CPNE8: variants seen among roughly 807,000 people sequenced by gnomAD.
CPNE8 encodes the protein copine 8, also known as copine-8.
In CPNE8, 45 loss-of-function variants were observed where a neutral mutation model predicts 81.5. That is an observed-to-expected ratio of 0.55 (90% CI 0.44 to 0.71). The LOEUF (loss-of-function observed/expected upper bound fraction) is 0.71. Among genes scored for constraint, CPNE8 ranks in the 30% least tolerant of loss-of-function variants. The probability of loss-of-function intolerance (pLI) is 0.00; values close to 1 mark genes in which losing one functional copy is unlikely to be tolerated. For synonymous variants in CPNE8, 252 were observed against 226.3 expected, an observed-to-expected ratio of 1.11 and a Z score of -1.02; for missense variants, 594 against 672.1, an observed-to-expected ratio of 0.88 and a Z score of 1.28.
chr12:38,757,309 T>C (rs990698933), intron 10 of CPNE8, among the ~76,000 whole-genome samples: 2 of 152,002 alleles, frequency 1.3e-5, no homozygotes, highest in African/African-American at 2.4e-5. Context: ...AGTCCTATCA[T>C]AGTCACTCTG....
At position 38,726,974 on chromosome 12, in the gene CPNE8, A is replaced by G. The variant is rs376080890; in HGVS notation, c.799-2075T>C. ...CAATAATACATCCGATGTAACAATA[A>G]TAAAGTTATGTAATATATAAATACA... On this transcript the variant is annotated intron_variant, in intron 11 of 19. Transcript: ENST00000331366. 8.3e-4 allele frequency among the ~76,000 whole-genome samples: 126 copies of G among 152,352 alleles called. No individual in the cohort carries two copies. In the East Asian group the frequency reaches 9.1e-3, roughly 11 times the overall value.
At chr12:38,848,461 T>C (rs1565646889) in intron 4 of CPNE8, 98 bp downstream of exon 4, 1 of 1,416,724 alleles carries the variant, frequency 7.1e-7, no homozygotes, top group African/African-American at 1.5e-5. Flanking sequence ...CCTGCCAATA[T>C]AATCTAGAAC....
chr12:38,679,460 C>T (rs1592005132), intron 16 of CPNE8: 1 of 401,802 alleles, frequency 2.5e-6, no homozygotes, highest in Non-Finnish European at 3.4e-6. Flanking sequence ...TAAATACATG[C>T]TTGTATTAAT....
intron 6 of CPNE8, among the ~76,000 whole-genome samples, chr12:38,817,200 C>T (rs528965092): frequency 9.2e-5 from 14 of 152,154 alleles, no homozygotes; most frequent in South Asian, 4.1e-4. Flanking sequence ...TGACCAGGTA[C>T]GATGACAACA....
intron 6 of CPNE8, among the ~76,000 whole-genome samples, chr12:38,796,394 G>C (rs1437564618): frequency 6.6e-6 from 1 of 151,906 alleles, no homozygotes; most frequent in Admixed American, 6.6e-5. Flanking sequence ...TCTTTAACAA[G>C]TCATAAAAGT....
intron 13 of CPNE8, among the ~76,000 whole-genome samples, chr12:38,718,369 AG>A (rs1351569809): frequency 6.6e-6 from 1 of 152,218 alleles, no homozygotes; most frequent in Admixed American, 6.5e-5. Context: ...TTATGGTGGA[AG>A]TGGGGGAAGA....
intron 1 of CPNE8, among the ~76,000 whole-genome samples, chr12:38,886,387 A>T (rs1373016565): frequency 6.6e-6 from 1 of 152,222 alleles, no homozygotes; most frequent in Non-Finnish European, 1.5e-5. Context: ...GCATATAGTA[A>T]ATATTGGAAA....
intron 1 of CPNE8, among the ~76,000 whole-genome samples, chr12:38,876,315 G>T (rs1006732820): frequency 1.3e-5 from 2 of 152,166 alleles, no homozygotes; most frequent in East Asian, 3.9e-4. Flanking sequence ...AGGTTCAAGT[G>T]ATTCTCCTGC....
chr12:38,886,737 T>C lies in CPNE8; in HGVS notation c.99-12226A>G, dbSNP rs532197370. Among the ~76,000 whole-genome samples the C allele has an allele frequency of 4.6e-5, 7 of 152,250 alleles. No individual in the cohort carries two copies. In the South Asian group the frequency reaches 1.5e-3, roughly 32 times the overall value. ...CTGGTAAAATGAAAAATGAATCCTC[T>C]TGATATCTTTTTAAGTTTATACTGT... is the stretch of plus-strand genomic sequence containing the variant. On this transcript the variant is annotated intron_variant, in intron 1 of 19. Transcript: ENST00000331366.
intron 6 of CPNE8, among the ~76,000 whole-genome samples, chr12:38,802,604 A>G (rs1234918276): frequency 6.7e-6 from 1 of 148,154 alleles, no homozygotes; most frequent in African/African-American, 2.5e-5. Flanking sequence ...AAGAACTATA[A>G]AAGCAAGAGC....
intron 10 of CPNE8, among the ~76,000 whole-genome samples, chr12:38,746,179 A>G (rs1941223982): frequency 6.6e-6 from 1 of 152,172 alleles, no homozygotes; most frequent in Non-Finnish European, 1.5e-5. Context: ...TATTCAAAAT[A>G]TTCTTCAATA....
chr12:38,691,805 C>T (rs1040242711), intron 15 of CPNE8, among the ~76,000 whole-genome samples: 1 of 152,138 alleles, frequency 6.6e-6, no homozygotes, highest in Non-Finnish European at 1.5e-5. Context: ...CCTCACATCG[C>T]AGAAGGCAGG....
chr12:38,677,109 G>A (rs1167197168), intron 17 of CPNE8, among the ~76,000 whole-genome samples: 1 of 152,034 alleles, frequency 6.6e-6, no homozygotes, highest in East Asian at 1.9e-4. Context: ...CCTCTAACTG[G>A]AATGTAAATG....
At chr12:38,684,515 G>C (rs1939489078) in intron 16 of CPNE8, among the ~76,000 whole-genome samples, 1 of 152,136 alleles carries the variant, frequency 6.6e-6, no homozygotes, top group African/African-American at 2.4e-5. Context: ...AGTCATCAAT[G>C]TATCACTGTC....
intron 10 of CPNE8, among the ~76,000 whole-genome samples, chr12:38,732,037 T>G (rs1202788900): frequency 6.6e-6 from 1 of 151,774 alleles, no homozygotes; most frequent in Non-Finnish European, 1.5e-5. Context: ...ACACAACGCT[T>G]TGATATCGAT....
At chr12:38,800,859 T>C (rs1182203253) in intron 6 of CPNE8, among the ~76,000 whole-genome samples, 5 of 41,468 alleles carry the variant, frequency 1.2e-4, no homozygotes, top group Non-Finnish European at 1.4e-4. Context: ...ACGTGAAGAA[T>C]GCAGAAGCCT....
intron 15 of CPNE8, among the ~76,000 whole-genome samples, chr12:38,686,114 A>T (rs1275927154): frequency 6.6e-6 from 1 of 152,222 alleles, no homozygotes; most frequent in African/African-American, 2.4e-5. Context: ...GAAGAAATAA[A>T]TGCTATCAAT....
chr12:38,813,829 A>G (rs1034929887), intron 6 of CPNE8, among the ~76,000 whole-genome samples: 4 of 152,204 alleles, frequency 2.6e-5, no homozygotes, highest in Admixed American at 2.0e-4. Flanking sequence ...GAGCCAGAAG[A>G]AAACCTCAGA....
chr12:38,855,305 A>G (rs1943712829), intron 3 of CPNE8, among the ~76,000 whole-genome samples: 1 of 152,102 alleles, frequency 6.6e-6, no homozygotes, highest in South Asian at 2.1e-4. Context: ...TAAAATGGCC[A>G]TATTACATAA....
Sources: allele counts gnomAD v4.1 joint callset (sites outside exome capture counted in the v4.1 genomes callset), GRCh38; gene constraint gnomAD v4.1.1; transcripts MANE v1.5; gene names NCBI Gene and HGNC (gene_info 2026-07-23, HGNC 2026-07-21).